The following SFMBT2 variants were observed in gnomAD, a reference collection of about 807,000 sequenced individuals.
The protein encoded by SFMBT2 is Scm like with four mbt domains 2.
In SFMBT2, 38 loss-of-function variants were observed where a neutral mutation model predicts 110.1. The ratio of observed to expected loss-of-function variants is 0.35; its 90% CI spans 0.27 to 0.45. SFMBT2 has a LOEUF of 0.45. Among genes scored for constraint, SFMBT2 ranks in the 20% least tolerant of loss-of-function variants. The pLI, the probability that SFMBT2 is intolerant of heterozygous loss-of-function variation, is 1.00. For synonymous variants in SFMBT2, 425 were observed against 425.4 expected, an observed-to-expected ratio of 1.00 and a Z score of 0.01; for missense variants, 1,011 against 1,094.9, an observed-to-expected ratio of 0.92 and a Z score of 1.08.
intron 7 of SFMBT2, among the ~76,000 whole-genome samples, chr10:7,255,998 T>C (rs996909060): frequency 5.3e-5 from 8 of 152,208 alleles, no homozygotes; most frequent in African/African-American, 1.9e-4. Context: ...GGATAAGAGA[T>C]GCTCAGGCTG....
intron 11 of SFMBT2, 37 bp from the exon 12 acceptor site, chr10:7,205,965 G>C (rs1564382476): frequency 1.9e-6 from 3 of 1,609,306 alleles, no homozygotes; most frequent in Non-Finnish European, 2.5e-6. Context: ...GGTACAAACA[G>C]ATCTTACCAA....
chr10:7,309,537 C>T (rs779691025), intron 4 of SFMBT2, among the ~76,000 whole-genome samples: 4 of 152,238 alleles, frequency 2.6e-5, no homozygotes, highest in East Asian at 3.9e-4. Flanking sequence ...GCACATGGAA[C>T]GGGGGTGTAT....
chr10:7,274,219 G>A (rs1002240814), intron 7 of SFMBT2, among the ~76,000 whole-genome samples: 2 of 152,108 alleles, frequency 1.3e-5, no homozygotes, highest in South Asian at 2.1e-4. Context: ...AGGTGCAGTC[G>A]CTCACACCTG....
chr10:7,385,319 G>A (rs1411514362), intron 1 of SFMBT2, among the ~76,000 whole-genome samples: 2 of 152,206 alleles, frequency 1.3e-5, no homozygotes, highest in African/African-American at 4.8e-5. Context: ...GACTCCAGAA[G>A]CCACAGGTGG....
At position 7,205,896 on chromosome 10, in the gene SFMBT2, C is replaced by T. The variant is rs199572509; in HGVS notation, c.1363G>A (p.Asp455Asn). Residue 455 changes from aspartate (D) to asparagine (N), a missense_variant, in exon 12 of 21, where the codon GAT becomes AAT. By Grantham distance (23) the Asp-to-Asn change is conservative. Around this residue, in one of 2 missense-constraint regions of SFMBT2, gnomAD observed 979 missense variants for 1,016.1 expected, o/e 0.96. Coordinates refer to ENST00000397167, the MANE Select transcript of SFMBT2 (RefSeq NM_001387889.1). Reference protein sequence around the residue: ...LQTPVPEVIVDVESMDIFPVG... With the variant: ...LQTPVPEVIVNVESMDIFPVG... ...GGGAAGATGTCCATGGATTCCACATCAACAATGACCTCTGGAACAGGAGTC... is the reference window on the plus strand; with the variant it reads ...GGGAAGATGTCCATGGATTCCACATTAACAATGACCTCTGGAACAGGAGTC... 4.0e-5 allele frequency: 65 copies of T among 1,613,908 alleles called. No individual in the cohort carries two copies. The South Asian group carries it at 6.6e-4, about 16-fold the overall frequency.
chr10:7,170,364 A>T lies in SFMBT2; in HGVS notation c.2544+564T>A, dbSNP rs1564364054. ...AAGGGGTGGCCCAGCAAGACAAAAA[A>T]CCGTGAGACAGCAGCATCTCTTCTG... On this transcript the variant is annotated intron_variant, in intron 20 of 20. Transcript: ENST00000397167. This position sits in a 1 kb window ranked among gnomAD's most constrained non-coding sequence, Gnocchi z 4.6. Among the ~76,000 whole-genome samples, 1 of 152,148 alleles carries T rather than the reference A, an allele frequency of 6.6e-6. No individual in the cohort carries two copies. Among genetic ancestry groups the T allele is most frequent in the Non-Finnish European group, 1.5e-5 (1 of 68,022 alleles).
intron 10 of SFMBT2, among the ~76,000 whole-genome samples, chr10:7,221,667 TC>T (rs1839744850): frequency 6.6e-6 from 1 of 152,238 alleles, no homozygotes; most frequent in Admixed American, 6.5e-5. Context: ...TTTCCCTTGT[TC>T]TTTTTGTTTA....
chr10:7,198,228 A>G, intron 14 of SFMBT2: 1 of 813,868 alleles, frequency 1.2e-6, no homozygotes, highest in Non-Finnish European at 1.5e-6. Context: ...GTAAATGCGG[A>G]TCTAGAAAGT....
At chr10:7,181,394 C>T (rs769238051) in intron 16 of SFMBT2, among the ~76,000 whole-genome samples, 1 of 152,070 alleles carries the variant, frequency 6.6e-6, no homozygotes, top group Non-Finnish European at 1.5e-5. Context: ...CACTTCTGGT[C>T]CCAAGCAATT....
chr10:7,393,064 G>A (rs1452282288), intron 1 of SFMBT2, among the ~76,000 whole-genome samples: 2 of 118,348 alleles, frequency 1.7e-5, no homozygotes, highest in Non-Finnish European at 3.4e-5. Context: ...CAAGAGTCTT[G>A]CTCCGTCGCC....
intron 15 of SFMBT2, among the ~76,000 whole-genome samples, chr10:7,190,010 T>C (rs1015311692): frequency 6.6e-6 from 1 of 152,216 alleles, no homozygotes; most frequent in African/African-American, 2.4e-5. Context: ...CAACAAAGCT[T>C]TCTCAAGTTG....
chr10:7,404,857 G>C (rs1052624225), intron 1 of SFMBT2, among the ~76,000 whole-genome samples: 5 of 152,208 alleles, frequency 3.3e-5, no homozygotes, highest in African/African-American at 1.2e-4. Flanking sequence ...GTGATGAACT[G>C]ATCATGCAAA....
At chr10:7,393,380 T>C (rs1334569560) in intron 1 of SFMBT2, among the ~76,000 whole-genome samples, 2 of 152,060 alleles carry the variant, frequency 1.3e-5, no homozygotes, top group Non-Finnish European at 2.9e-5. Flanking sequence ...TCACCAAACT[T>C]TCATTCAATA....
intron 11 of SFMBT2, chr10:7,206,733 G>A: frequency 1.4e-6 from 1 of 727,066 alleles, no homozygotes. Flanking sequence ...AGCAGCAAAA[G>A]TTTCAAGGAG....
In SFMBT2 at chr10:7,348,950, A is replaced by G. The variant is rs565297643; in HGVS notation, c.436+18699T>C. Among the ~76,000 whole-genome samples, 8 of 152,330 alleles carry G rather than the reference A, an allele frequency of 5.3e-5. No homozygotes were observed. The South Asian group carries it at 1.7e-3, about 32-fold the overall frequency. ...TCTTGTCACCACCATGACAAGGATG[A>G]GACCTCCAAAAAGGACATTTGGATG... On this transcript the variant is annotated intron_variant, in intron 4 of 20. Transcript: ENST00000397167.
intron 3 of SFMBT2, 57 bp downstream of exon 3, chr10:7,370,224 A>C: frequency 6.8e-7 from 1 of 1,471,382 alleles, no homozygotes; most frequent in Non-Finnish European, 9.5e-7. Context: ...TTCTCCCTAT[A>C]GATTCCTTCC....
intron 9 of SFMBT2, among the ~76,000 whole-genome samples, chr10:7,228,781 T>TCCC (rs1554790223): frequency 2.7e-5 from 3 of 110,396 alleles, no homozygotes; most frequent in South Asian, 7.4e-4. Context: ...TCTCTCTCTC[T>TCCC]CCCCCTCCCT....
chr10:7,341,979 C>T (rs1341846643), intron 4 of SFMBT2, among the ~76,000 whole-genome samples: 1 of 152,036 alleles, frequency 6.6e-6, no homozygotes, highest in Non-Finnish European at 1.5e-5. Context: ...TATTTGAGCT[C>T]CAGTTTTTAG....
chr10:7,345,057 A>G (rs886551350), intron 4 of SFMBT2, among the ~76,000 whole-genome samples: 1 of 152,056 alleles, frequency 6.6e-6, no homozygotes. Flanking sequence ...AAAGGAGACA[A>G]ACAAGGAAAG....
Sources: gnomAD v4.1 joint callset for allele counts (sites outside exome capture counted in the v4.1 genomes callset) on GRCh38, gnomAD v4.1.1 for gene constraint, gnomAD v4.1.1 regional missense constraint, Gnocchi (gnomAD v3.1) non-coding constraint, MANE v1.5 for transcripts, NCBI Gene and HGNC (gene_info 2026-07-23, HGNC 2026-07-21) for gene names.